The following GALNTL6 variants were observed in gnomAD, a reference collection of about 807,000 sequenced individuals.
GALNTL6 encodes the protein polypeptide N-acetylgalactosaminyltransferase-like 6.
Under a neutral mutation model 73.7 loss-of-function variants are expected in GALNTL6, and 46 were observed. That is an observed-to-expected ratio of 0.62 (90% CI 0.49 to 0.80). GALNTL6 has a LOEUF of 0.80. GALNTL6 is among the 30% of genes least tolerant of loss of function. The pLI is 0.00. For missense variants in GALNTL6, 604 were observed against 755.0 expected, an observed-to-expected ratio of 0.80 and a Z score of 2.34; for synonymous variants, 259 against 263.7, an observed-to-expected ratio of 0.98 and a Z score of 0.17.
At chr4:172,905,135 A>C (rs974258946) in intron 8 of GALNTL6, among the ~76,000 whole-genome samples, 3 of 152,304 alleles carry the variant, frequency 2.0e-5, no homozygotes, top group African/African-American at 7.2e-5. Flanking sequence ...TTCTTATCCC[A>C]TTCAACACTA....
At chr4:172,832,787 G>GTC (rs764228344) in intron 7 of GALNTL6, among the ~76,000 whole-genome samples, 2 of 152,124 alleles carry the variant, frequency 1.3e-5, no homozygotes, top group African/African-American at 4.8e-5. Flanking sequence ...TCTGTCTCTC[G>GTC]TCTCTCTCTC....
chr4:172,801,256 T>C (rs941358134), intron 5 of GALNTL6, among the ~76,000 whole-genome samples: 3 of 152,244 alleles, frequency 2.0e-5, no homozygotes, highest in African/African-American at 7.2e-5. Flanking sequence ...TGCATAGGTG[T>C]TGTTTAGCCT....
chr4:172,885,703 T>C (rs573615286), intron 8 of GALNTL6, among the ~76,000 whole-genome samples: 4 of 152,224 alleles, frequency 2.6e-5, no homozygotes, highest in Non-Finnish European at 4.4e-5. Flanking sequence ...TTGTAATATA[T>C]GGCTGTTATC....
chr4:172,709,164 T>G (rs1734543119), intron 5 of GALNTL6, among the ~76,000 whole-genome samples: 1 of 152,132 alleles, frequency 6.6e-6, no homozygotes, highest in African/African-American at 2.4e-5. Flanking sequence ...CTTCTGGCCT[T>G]CTTGGTCTCT....
chr4:172,845,090 C>T (rs530098767), intron 7 of GALNTL6, among the ~76,000 whole-genome samples: 12 of 151,688 alleles, frequency 7.9e-5, no homozygotes, highest in African/African-American at 2.4e-4. Flanking sequence ...TGGTGGCATG[C>T]GCCAGTAGTC....
chr4:172,830,056 A>G (rs1162870725), intron 7 of GALNTL6, among the ~76,000 whole-genome samples: 1 of 152,222 alleles, frequency 6.6e-6, no homozygotes, highest in East Asian at 1.9e-4. Context: ...AGGTCACACC[A>G]TAGCCCAAAT....
intron 10 of GALNTL6, among the ~76,000 whole-genome samples, chr4:173,007,614 C>T (rs1264326674): frequency 6.6e-6 from 1 of 152,062 alleles, no homozygotes; most frequent in African/African-American, 2.4e-5. Flanking sequence ...CAAGACCAGC[C>T]TGGCCAACAT....
intron 8 of GALNTL6, among the ~76,000 whole-genome samples, chr4:172,890,545 A>G (rs576868691): frequency 1.2e-3 from 188 of 152,184 alleles, no homozygotes; most frequent in Non-Finnish European, 2.4e-3. Context: ...ATTCCACTGT[A>G]GTCTAAGAAT....
intron 5 of GALNTL6, among the ~76,000 whole-genome samples, chr4:172,572,339 T>A (rs1579201181): frequency 6.6e-6 from 1 of 152,206 alleles, no homozygotes; most frequent in African/African-American, 2.4e-5. Context: ...ATTATTATGT[T>A]TAATCAACTC....
chr4:172,385,290 C>G (rs550494040), intron 5 of GALNTL6, among the ~76,000 whole-genome samples: 1 of 151,944 alleles, frequency 6.6e-6, no homozygotes, highest in East Asian at 1.9e-4. Flanking sequence ...TATGGTTATA[C>G]GTGGTTTCTA....
intron 2 of GALNTL6, among the ~76,000 whole-genome samples, chr4:172,101,361 T>C (rs946796250): frequency 6.6e-5 from 10 of 152,198 alleles, no homozygotes; most frequent in Admixed American, 1.3e-4. Flanking sequence ...CAAACACTCA[T>C]TGGGGAGCCT....
intron 2 of GALNTL6, among the ~76,000 whole-genome samples, chr4:172,085,134 C>T (rs1238870218): frequency 6.6e-6 from 1 of 151,914 alleles, no homozygotes; most frequent in African/African-American, 2.4e-5. Flanking sequence ...TCAATGATAA[C>T]AGCAAAGGTG....
chr4:172,133,469 T>A (rs2111022930), intron 2 of GALNTL6, among the ~76,000 whole-genome samples: 1 of 152,366 alleles, frequency 6.6e-6, no homozygotes, highest in South Asian at 2.1e-4. Context: ...AAAATTGGTT[T>A]AAAGCATAGC....
At chr4:172,543,023 G>T (rs1285797907) in intron 5 of GALNTL6, among the ~76,000 whole-genome samples, 1 of 150,984 alleles carries the variant, frequency 6.6e-6, no homozygotes, top group Non-Finnish European at 1.5e-5. Flanking sequence ...TTTGAACCCG[G>T]GAGGCGGAGG....
chr4:172,583,139 TACAC>T (rs143838483), intron 5 of GALNTL6, among the ~76,000 whole-genome samples: 1,718 of 148,294 alleles, frequency 0.012, 38 homozygotes, highest in African/African-American at 0.04. Context: ...AATTCACACA[TACAC>T]ACACACACAA....
At chr4:172,268,089 C>A (rs548015154) in intron 3 of GALNTL6, among the ~76,000 whole-genome samples, 18 of 152,212 alleles carry the variant, frequency 1.2e-4, no homozygotes, top group African/African-American at 3.1e-4. Flanking sequence ...AAGATTTATG[C>A]CCCAATGAAT....
intron 2 of GALNTL6, among the ~76,000 whole-genome samples, chr4:172,017,510 C>A (rs139964231): frequency 6.6e-6 from 1 of 152,126 alleles, no homozygotes; most frequent in African/African-American, 2.4e-5. Flanking sequence ...AGTACAGTGC[C>A]AGGGGAGAAC....
At chr4:172,056,876 T>C (rs1267111304) in intron 2 of GALNTL6, among the ~76,000 whole-genome samples, 2 of 152,032 alleles carry the variant, frequency 1.3e-5, no homozygotes, top group Non-Finnish European at 2.9e-5. Flanking sequence ...ATCCTCCTAG[T>C]TGATAGCATT....
intron 7 of GALNTL6, among the ~76,000 whole-genome samples, chr4:172,822,029 G>A (rs1741959978): frequency 6.6e-6 from 1 of 152,146 alleles, no homozygotes; most frequent in Non-Finnish European, 1.5e-5. Flanking sequence ...CTTTTCCTTT[G>A]TCAGGGTCAG....
Sources: allele counts gnomAD v4.1 joint callset (sites outside exome capture counted in the v4.1 genomes callset), GRCh38; gene constraint gnomAD v4.1.1; transcripts MANE v1.5; gene names NCBI Gene and HGNC (gene_info 2026-07-23, HGNC 2026-07-21).